The following EPB41L4A variants were observed in gnomAD, a reference collection of about 807,000 sequenced individuals.
EPB41L4A encodes band 4.1-like protein 4A.
In EPB41L4A, 100 loss-of-function variants were observed where a neutral mutation model predicts 108.6. The ratio of observed to expected loss-of-function variants is 0.92; its 90% CI spans 0.78 to 1.09. The LOEUF (loss-of-function observed/expected upper bound fraction) is 1.09, where lower values mean the gene tolerates loss of function less well. Among genes scored for constraint, EPB41L4A ranks in the 50% least tolerant of loss-of-function variants. EPB41L4A has a pLI of 0.00. For missense variants in EPB41L4A, 1,030 were observed against 842.7 expected (o/e 1.22, Z -2.75); for synonymous variants, 319 against 289.0 (o/e 1.10, Z -1.05).
downstream of EPB41L4A, chr5:112,160,417 C>T (rs1221924756): frequency 1.3e-5 from 2 of 152,304 alleles, no homozygotes; most frequent in East Asian, 3.9e-4. Context: ...CCTGGCTCAC[C>T]CACACCTGAT....
intron 1 of EPB41L4A, among the ~76,000 whole-genome samples, chr5:112,357,674 T>C (rs379440): frequency 0.034 from 5,253 of 152,280 alleles, 140 homozygotes; most frequent in Non-Finnish European, 0.048. Context: ...TTGTCCTCTT[T>C]ACCTACACTG....
Position 112,419,135 on chromosome 5 carries a change from C to A in EPB41L4A, c.-96G>T, listed in dbSNP as rs1762912128. ...GCGCGATGCATTAATTTATTGTCCG[C>A]GCCGTGGCGAGGGTGAGACGAGCAG... On this transcript the variant is annotated 5_prime_UTR_variant, in exon 1 of 23. Coordinates refer to ENST00000261486, the MANE Select transcript of EPB41L4A (RefSeq NM_022140.5). The A allele has an allele frequency of 1.5e-5, 14 of 936,162 alleles. No homozygotes were observed. In the South Asian group the frequency reaches 1.9e-4, roughly 13 times the overall value. The allele number at this position is 936,162 out of a possible 1,614,324, so 58.0% of individuals were successfully genotyped here. A position where few individuals can be genotyped will look rare whatever the true frequency, so the allele number is the denominator to read the frequency against.
chr5:112,179,552 C>T (rs138084642), intron 18 of EPB41L4A, among the ~76,000 whole-genome samples: 197 of 152,210 alleles, frequency 1.3e-3, no homozygotes, highest in South Asian at 5.0e-3. Context: ...AATTCCTCCA[C>T]GAACACAATA....
chr5:112,275,606 AC>A (rs1344153141), intron 3 of EPB41L4A, among the ~76,000 whole-genome samples: 1 of 152,182 alleles, frequency 6.6e-6, no homozygotes, highest in Admixed American at 6.5e-5. Flanking sequence ...AGGGCCAAAT[AC>A]ACCAGAATGT....
intron 1 of EPB41L4A, among the ~76,000 whole-genome samples, chr5:112,325,527 A>G (rs1182452780): frequency 6.6e-6 from 1 of 151,804 alleles, no homozygotes; most frequent in Non-Finnish European, 1.5e-5. Context: ...ATAAAAGCAG[A>G]GTAGAGTTTT....
chr5:112,193,949 T>A (rs1315119222), intron 17 of EPB41L4A, among the ~76,000 whole-genome samples: 1 of 152,340 alleles, frequency 6.6e-6, no homozygotes, highest in Non-Finnish European at 1.5e-5. Flanking sequence ...GGTGCTCTTT[T>A]CATTAATGAC....
intron 4 of EPB41L4A, among the ~76,000 whole-genome samples, chr5:112,268,035 T>G (rs958399151): frequency 6.6e-6 from 1 of 152,148 alleles, no homozygotes; most frequent in Admixed American, 6.5e-5. Flanking sequence ...GTGCTCCTCT[T>G]GGAAAGGAGA....
intron 12 of EPB41L4A, among the ~76,000 whole-genome samples, chr5:112,152,330 T>A (rs1189615089): frequency 6.6e-6 from 1 of 152,116 alleles, no homozygotes; most frequent in Non-Finnish European, 1.5e-5. Flanking sequence ...TAAAACAGAA[T>A]CTTTTAAAAA....
At chr5:112,416,231 T>C (rs1168263582) in intron 1 of EPB41L4A, among the ~76,000 whole-genome samples, 1 of 152,130 alleles carries the variant, frequency 6.6e-6, no homozygotes, top group African/African-American at 2.4e-5. Context: ...AAGAATGTTT[T>C]TCAAAATGAT....
chr5:112,262,387 C>A, intron 7 of EPB41L4A, 107 bp downstream of exon 7: 1 of 865,474 alleles, frequency 1.2e-6, no homozygotes. Context: ...AAAGTATCAT[C>A]TGCTTGCTAA....
chr5:112,299,361 T>C (rs1482893467), intron 2 of EPB41L4A, among the ~76,000 whole-genome samples: 1 of 152,214 alleles, frequency 6.6e-6, no homozygotes, highest in Non-Finnish European at 1.5e-5. Flanking sequence ...ATCATTCAGT[T>C]TGAAGAATTT....
At chr5:112,403,848 C>A (rs1294863573) in intron 1 of EPB41L4A, among the ~76,000 whole-genome samples, 1 of 152,120 alleles carries the variant, frequency 6.6e-6, no homozygotes, top group Non-Finnish European at 1.5e-5. Flanking sequence ...CTTGGGCAGG[C>A]AAACTGACCA....
At chr5:112,173,344 C>T (rs924764006) in intron 18 of EPB41L4A, among the ~76,000 whole-genome samples, 1 of 152,000 alleles carries the variant, frequency 6.6e-6, no homozygotes, top group Non-Finnish European at 1.5e-5. Context: ...GCCAGGAGGA[C>T]ATACACCCCA....
At chr5:112,304,677 C>T (rs1754574245) in intron 2 of EPB41L4A, among the ~76,000 whole-genome samples, 1 of 152,032 alleles carries the variant, frequency 6.6e-6, no homozygotes, top group African/African-American at 2.4e-5. Context: ...CTTCATTCCG[C>T]TGATATCACC....
chr5:112,158,499 C>A, downstream of EPB41L4A: 2 of 325,700 alleles, frequency 6.1e-6, no homozygotes, highest in South Asian at 2.6e-5. Flanking sequence ...GCTGGCTGCC[C>A]CAGTCCAAGA....
intron 1 of EPB41L4A, among the ~76,000 whole-genome samples, chr5:112,377,316 T>C (rs1282215369): frequency 6.6e-6 from 1 of 151,906 alleles, no homozygotes; most frequent in Non-Finnish European, 1.5e-5. Context: ...TGATAGTAAA[T>C]ACAGTTTTGT....
At chr5:112,285,471 C>T (rs1043131560) in intron 2 of EPB41L4A, among the ~76,000 whole-genome samples, 5 of 152,216 alleles carry the variant, frequency 3.3e-5, no homozygotes, top group African/African-American at 1.2e-4. Context: ...AGATCTATGG[C>T]CCTCTAAGCA....
chr5:112,195,936 G>A (rs138457098), intron 15 of EPB41L4A, among the ~76,000 whole-genome samples: 27 of 152,174 alleles, frequency 1.8e-4, no homozygotes, highest in Middle Eastern at 3.4e-3. Flanking sequence ...CAAACCGTCC[G>A]AATTCCATTA....
chr5:112,204,505 A>G lies in EPB41L4A; in HGVS notation c.1263-17T>C. ...TAGAGTCCACTGGAGAGAAAGAAAA[A>G]TGGTCAAAAAGAGCCCAGAGAGTTC... On this transcript the variant is annotated splice_polypyrimidine_tract_variant and intron_variant, in intron 14 of 22. Transcript: ENST00000261486. 2.6e-6 allele frequency: 4 copies of G among 1,556,024 alleles called. No individual in the cohort carries two copies. Among genetic ancestry groups the G allele is most frequent in the Non-Finnish European group, 3.5e-6 (4 of 1,127,338 alleles).
Sources: gnomAD v4.1 joint callset for allele counts (sites outside exome capture counted in the v4.1 genomes callset) on GRCh38, gnomAD v4.1.1 for gene constraint, MANE v1.5 for transcripts, NCBI Gene and HGNC (gene_info 2026-07-23, HGNC 2026-07-21) for gene names.